KSR2: variants seen among roughly 807,000 people sequenced by gnomAD.
KSR2 encodes kinase suppressor of ras 2.
Under a neutral mutation model 107.8 loss-of-function variants are expected in KSR2, and 25 were observed. The observed-to-expected ratio is 0.23, with a 90% confidence interval of 0.17 to 0.32. KSR2 has a LOEUF of 0.32. Among genes scored for constraint, KSR2 ranks in the 10% least tolerant of loss-of-function variants. The pLI is 1.00. For missense variants in KSR2, 887 were observed against 1,268.9 expected (o/e 0.70, Z 4.57); for synonymous variants, 480 against 507.0 (o/e 0.95, Z 0.71).
chr12:117,676,864 G>A (rs908532950), intron 4 of KSR2, among the ~76,000 whole-genome samples: 4 of 152,266 alleles, frequency 2.6e-5, no homozygotes, highest in East Asian at 1.9e-4. Context: ...TCATGGCAGC[G>A]TTATTCATAA....
intron 1 of KSR2, among the ~76,000 whole-genome samples, chr12:117,929,398 G>A (rs1054270046): frequency 5.3e-5 from 8 of 152,030 alleles, no homozygotes; most frequent in African/African-American, 1.4e-4. Context: ...CCTTTCTTTC[G>A]GCTCTTATTC....
chr12:117,534,418 G>A (rs1380002075), intron 10 of KSR2, among the ~76,000 whole-genome samples: 1 of 152,092 alleles, frequency 6.6e-6, no homozygotes, highest in Non-Finnish European at 1.5e-5. Flanking sequence ...GCCATCCAGT[G>A]ACCCTCCAAC....
chr12:117,782,079 C>T (rs1180854760), intron 3 of KSR2, among the ~76,000 whole-genome samples: 1 of 152,146 alleles, frequency 6.6e-6, no homozygotes, highest in Non-Finnish European at 1.5e-5. Context: ...TCGAATTGTT[C>T]TGTTGATTAT....
At chr12:117,659,086 T>A (rs528540307) in intron 5 of KSR2, among the ~76,000 whole-genome samples, 2 of 152,250 alleles carry the variant, frequency 1.3e-5, no homozygotes, top group South Asian at 2.1e-4. Context: ...GAGGGGTTAC[T>A]GGGACAAAGG....
chr12:117,642,091 G>T (rs1883398075), intron 5 of KSR2, among the ~76,000 whole-genome samples: 1 of 152,170 alleles, frequency 6.6e-6, no homozygotes. Flanking sequence ...ACTCGTGGAA[G>T]CCTCCCCTGA....
chr12:117,456,117 C>T lies in KSR2; in HGVS notation c.*11082G>A, dbSNP rs960379361. On this transcript the variant is annotated 3_prime_UTR_variant, in exon 20 of 20. Transcript: ENST00000339824. ...CTTGATAGGTTAGGACCGCAGAGGC[C>T]CTCAGGAGGAGATAGACTTCCGAAA... 28 of 152,184 alleles carry T rather than the reference C, an allele frequency of 1.8e-4. No homozygotes were observed. Among genetic ancestry groups the T allele is most frequent in the Admixed American group, 1.8e-3 (28 of 15,278 alleles). The allele number at this position is 152,184 out of a possible 1,614,324, so 9.4% of individuals were successfully genotyped here. A position where few individuals can be genotyped will look rare whatever the true frequency, so the allele number is the denominator to read the frequency against.
chr12:117,594,711 G>A (rs778934723), intron 5 of KSR2, among the ~76,000 whole-genome samples: 3 of 152,062 alleles, frequency 2.0e-5, no homozygotes, highest in African/African-American at 4.8e-5. Context: ...GAATTCCCCC[G>A]CAACAAGAGT....
intron 1 of KSR2, among the ~76,000 whole-genome samples, chr12:117,880,910 T>C (rs1239377945): frequency 1.3e-5 from 2 of 151,898 alleles, no homozygotes; most frequent in Admixed American, 6.6e-5. Context: ...TCTCAGGTGA[T>C]CTGCCTGCCT....
At chr12:117,728,255 A>C (rs1482911398) in intron 4 of KSR2, among the ~76,000 whole-genome samples, 1 of 152,250 alleles carries the variant, frequency 6.6e-6, no homozygotes, top group East Asian at 1.9e-4. Context: ...AAGGTAAATC[A>C]GGAAGCATGT....
chr12:117,592,979 C>A (rs1880414406), intron 5 of KSR2, among the ~76,000 whole-genome samples: 1 of 152,122 alleles, frequency 6.6e-6, no homozygotes, highest in Non-Finnish European at 1.5e-5. Context: ...GCCCCACCCC[C>A]AAACCTTCCC....
Position 117,683,380 on chromosome 12 carries a change from C to G in KSR2, c.987-15722G>C, listed in dbSNP as rs570019278. 2.6e-4 allele frequency among the ~76,000 whole-genome samples: 39 copies of G among 152,122 alleles called. No individual in the cohort carries two copies. The South Asian group carries it at 6.7e-3, about 26-fold the overall frequency. Reference sequence around the variant, plus strand: ...TTTCAAGAAGTTACACATTGAAGATCAAATTTGAGTTGGATTTTTGTTTCC... The same window carrying G: ...TTTCAAGAAGTTACACATTGAAGATGAAATTTGAGTTGGATTTTTGTTTCC... On this transcript the variant is annotated intron_variant, in intron 4 of 19. Transcript: ENST00000339824.
At position 117,472,739 on chromosome 12, in the gene KSR2, G is replaced by A. The variant is rs192477870; in HGVS notation, c.2583-1419C>T. 2.0e-5 allele frequency among the ~76,000 whole-genome samples: 3 copies of A among 152,306 alleles called. No homozygotes were observed. In the East Asian group the frequency reaches 5.8e-4, roughly 29 times the overall value. On this transcript the variant is annotated intron_variant, in intron 17 of 19. Coordinates refer to ENST00000339824, the MANE Select transcript of KSR2 (RefSeq NM_173598.6). ...GATCAGAAAGCTCTCAAGAGAAGGT[G>A]CTAAAAGATTATAGTTATCATAAGA...
chr12:117,596,580 T>G (rs890335933), intron 5 of KSR2, among the ~76,000 whole-genome samples: 1 of 152,210 alleles, frequency 6.6e-6, no homozygotes, highest in Non-Finnish European at 1.5e-5. Flanking sequence ...CATTTATTTA[T>G]TTATTTGCGT....
intron 1 of KSR2, among the ~76,000 whole-genome samples, chr12:117,925,272 C>T (rs999253296): frequency 1.3e-5 from 2 of 151,636 alleles, no homozygotes; most frequent in Admixed American, 6.6e-5. Context: ...TATAGGCTCA[C>T]GCCACCATGC....
intron 3 of KSR2, among the ~76,000 whole-genome samples, chr12:117,806,777 C>G (rs1057007999): frequency 6.6e-6 from 1 of 152,208 alleles, no homozygotes; most frequent in African/African-American, 2.4e-5. Context: ...CCTTTTGTGT[C>G]TGGCTTTTTT....
intron 17 of KSR2, among the ~76,000 whole-genome samples, chr12:117,472,018 G>A (rs948198357): frequency 4.0e-5 from 6 of 151,490 alleles, no homozygotes; most frequent in Non-Finnish European, 7.4e-5. Context: ...CCTGCGGAAC[G>A]GTGGAAAGAA....
intron 3 of KSR2, among the ~76,000 whole-genome samples, chr12:117,841,778 A>C (rs975455298): frequency 6.6e-5 from 10 of 151,926 alleles, no homozygotes; most frequent in African/African-American, 1.9e-4. Context: ...TGTGACCACC[A>C]CCCCCCTCCC....
At chr12:117,493,532 C>A (rs1872858484) in intron 14 of KSR2, among the ~76,000 whole-genome samples, 1 of 152,294 alleles carries the variant, frequency 6.6e-6, no homozygotes, top group East Asian at 1.9e-4. Flanking sequence ...TCAAAAGCCT[C>A]CCATGGCCTC....
At chr12:117,848,534 G>A (rs1434135391) in intron 3 of KSR2, among the ~76,000 whole-genome samples, 2 of 152,200 alleles carry the variant, frequency 1.3e-5, no homozygotes, top group Non-Finnish European at 2.9e-5. Flanking sequence ...TACCTCTGGA[G>A]AACAATCAAG....
Sources: gnomAD v4.1 joint callset for allele counts (sites outside exome capture counted in the v4.1 genomes callset) on GRCh38, gnomAD v4.1.1 for gene constraint, MANE v1.5 for transcripts, NCBI Gene and HGNC (gene_info 2026-07-23, HGNC 2026-07-21) for gene names.